The following TUSC3 variants were observed in gnomAD, a reference collection of about 807,000 sequenced individuals.
TUSC3 encodes the protein dolichyl-diphosphooligosaccharide--protein glycosyltransferase subunit TUSC3.
Under a neutral mutation model 44.8 loss-of-function variants are expected in TUSC3, and 45 were observed. The ratio of observed to expected loss-of-function variants is 1.00; its 90% CI spans 0.79 to 1.29. The LOEUF is 1.29. Ranked by LOEUF, TUSC3 falls within the 50% of genes most tolerant of loss-of-function variation. The pLI, the probability that TUSC3 is intolerant of heterozygous loss-of-function variation, is 0.00. For missense variants in TUSC3, 519 were observed against 437.9 expected, an observed-to-expected ratio of 1.19 and a Z score of -1.65; for synonymous variants, 212 against 152.9, an observed-to-expected ratio of 1.39 and a Z score of -2.85.
intron 1 of TUSC3, among the ~76,000 whole-genome samples, chr8:15,545,427 A>T (rs1346593): frequency 7.3e-5 from 11 of 151,488 alleles, no homozygotes; most frequent in South Asian, 6.3e-4. Flanking sequence ...AAAGGGAGAC[A>T]TTATCTTTAT....
intron 2 of TUSC3, among the ~76,000 whole-genome samples, chr8:15,497,183 G>A (rs900584845): frequency 6.6e-6 from 1 of 152,186 alleles, no homozygotes; most frequent in African/African-American, 2.4e-5. Context: ...GCATCTCTGA[G>A]AAGTTTAAGT....
At chr8:15,807,632 G>C in the TUSC3 span, among the ~76,000 whole-genome samples, 2 of 152,172 alleles carry the variant, frequency 1.3e-5, no homozygotes, top group Non-Finnish European at 2.9e-5. Flanking sequence ...ATCCGTGGTG[G>C]ATTGGATAAA....
At chr8:15,824,311 CCAAA>C in the TUSC3 span, among the ~76,000 whole-genome samples, 1 of 152,132 alleles carries the variant, frequency 6.6e-6, no homozygotes, top group African/African-American at 2.4e-5. Flanking sequence ...TGCAAATAAA[CCAAA>C]CACTCAGGGA....
chr8:15,699,039 G>A (rs56250968), intron 6 of TUSC3, among the ~76,000 whole-genome samples: 3 of 151,888 alleles, frequency 2.0e-5, no homozygotes, highest in African/African-American at 4.8e-5. Flanking sequence ...GTAGAGACAG[G>A]GTCTTGCTAT....
At chr8:15,482,583 G>A (rs190154094) in intron 1 of TUSC3, among the ~76,000 whole-genome samples, 98 of 152,288 alleles carry the variant, frequency 6.4e-4, no homozygotes, top group East Asian at 9.7e-4. Flanking sequence ...TGATGAAGAT[G>A]TATAAGAAGA....
the TUSC3 span, among the ~76,000 whole-genome samples, chr8:15,787,456 C>G: frequency 4.6e-5 from 7 of 152,154 alleles, no homozygotes; most frequent in African/African-American, 1.7e-4. Context: ...TATTGTATTT[C>G]CTGGAGTGTA....
At chr8:15,564,387 A>G (rs535678114) in intron 1 of TUSC3, among the ~76,000 whole-genome samples, 6 of 152,302 alleles carry the variant, frequency 3.9e-5, no homozygotes, top group Non-Finnish European at 5.9e-5. Context: ...TCAACAGAGT[A>G]GTATTATAAA....
chr8:15,643,757 T>G (rs938814656), intron 2 of TUSC3, among the ~76,000 whole-genome samples: 2 of 152,310 alleles, frequency 1.3e-5, no homozygotes, highest in South Asian at 2.1e-4. Flanking sequence ...GGCCCTGATA[T>G]GTATAGCGCA....
chr8:15,709,682 C>G (rs59379511), intron 6 of TUSC3, among the ~76,000 whole-genome samples: 1 of 151,864 alleles, frequency 6.6e-6, no homozygotes, highest in East Asian at 1.9e-4. Flanking sequence ...TGTGTTATCT[C>G]CTTTAGTCCT....
rs1807370012 is a variant in TUSC3, at chr8:15,660,513, CT to C, written c.567+867del. Among the ~76,000 whole-genome samples, 3 of 152,038 alleles carry C rather than the reference CT, an allele frequency of 2.0e-5. No individual in the cohort carries two copies. In the South Asian group the frequency reaches 6.2e-4, roughly 32 times the overall value. On this transcript the variant is annotated intron_variant, in intron 4 of 10. Coordinates refer to ENST00000503731, the MANE Select transcript of TUSC3 (RefSeq NM_006765.4). Reference sequence around the variant, plus strand: ...GACCATTTTTTCTCTATTCTCACAACTACTTTTGACAGTAAACAATTGGAGC... The same window carrying C: ...GACCATTTTTTCTCTATTCTCACAACACTTTTGACAGTAAACAATTGGAGC...
chr8:15,672,751 A>G (rs561607211), intron 5 of TUSC3, among the ~76,000 whole-genome samples: 3 of 151,968 alleles, frequency 2.0e-5, no homozygotes, highest in South Asian at 2.1e-4. Flanking sequence ...ATCGTTTTTT[A>G]TTTGCCCCAT....
At chr8:15,442,057 TG>T (rs1325900664) in intron 1 of TUSC3, among the ~76,000 whole-genome samples, 1 of 152,202 alleles carries the variant, frequency 6.6e-6, no homozygotes, top group African/African-American at 2.4e-5. Flanking sequence ...TTTTTTTAAA[TG>T]GCTTTCAGAA....
intron 9 of TUSC3, among the ~76,000 whole-genome samples, chr8:15,757,569 C>T (rs530277257): frequency 6.6e-6 from 1 of 152,242 alleles, no homozygotes; most frequent in South Asian, 2.1e-4. Flanking sequence ...CAACCTTTCT[C>T]ATGCTGAGTC....
intron 1 of TUSC3, among the ~76,000 whole-genome samples, chr8:15,612,103 CTT>C (rs1177223016): frequency 6.6e-6 from 1 of 152,150 alleles, no homozygotes; most frequent in East Asian, 1.9e-4. Context: ...ACATGTACGT[CTT>C]GTTCTCATTC....
At chr8:15,482,625 A>T (rs912585763) in intron 1 of TUSC3, among the ~76,000 whole-genome samples, 1 of 152,246 alleles carries the variant, frequency 6.6e-6, no homozygotes, top group African/African-American at 2.4e-5. Context: ...CAAACACAAC[A>T]TCCATTCTGC....
intron 1 of TUSC3, among the ~76,000 whole-genome samples, chr8:15,443,939 A>T (rs1021947320): frequency 6.6e-6 from 1 of 152,056 alleles, no homozygotes; most frequent in South Asian, 2.1e-4. Flanking sequence ...CTAACCAATC[A>T]GCACTCCTGG....
At chr8:15,725,255 G>A (rs567987759) in intron 6 of TUSC3, among the ~76,000 whole-genome samples, 2 of 152,106 alleles carry the variant, frequency 1.3e-5, no homozygotes, top group Admixed American at 1.3e-4. Context: ...CTTCAAAATA[G>A]CTATTTTCTG....
chr8:15,482,855 AC>A (rs1800681668), intron 1 of TUSC3, among the ~76,000 whole-genome samples: 1 of 152,220 alleles, frequency 6.6e-6, no homozygotes, highest in Non-Finnish European at 1.5e-5. Flanking sequence ...AGAATACATG[AC>A]TTTCTTCACC....
intron 6 of TUSC3, among the ~76,000 whole-genome samples, chr8:15,693,472 T>C (rs1053015152): frequency 1.6e-4 from 20 of 125,526 alleles, no homozygotes; most frequent in Non-Finnish European, 2.9e-4. Context: ...TTTTAAAGAA[T>C]GCTGAATATA....
Sources: gnomAD v4.1 joint callset for allele counts (sites outside exome capture counted in the v4.1 genomes callset) on GRCh38, gnomAD v4.1.1 for gene constraint, MANE v1.5 for transcripts, NCBI Gene and HGNC (gene_info 2026-07-23, HGNC 2026-07-21) for gene names.